The following RTCB variants were observed in gnomAD, a reference collection of about 807,000 sequenced individuals.
The protein encoded by RTCB is RNA 2',3'-cyclic phosphate and 5'-OH ligase.
In RTCB, 32 loss-of-function variants were observed where a neutral mutation model predicts 58.2. The ratio of observed to expected loss-of-function variants is 0.55; its 90% confidence interval spans 0.41 to 0.74. The LOEUF is 0.74. Ranked by LOEUF, RTCB falls within the 30% of genes least tolerant of loss-of-function variation. RTCB has a pLI of 0.00. For missense variants in RTCB, 523 were observed against 639.0 expected, an observed-to-expected ratio of 0.82 and a Z score of 1.96; for synonymous variants, 247 against 218.6, an observed-to-expected ratio of 1.13 and a Z score of -1.15.
At chr22:32,399,546 C>T in intron 6 of RTCB, 57 bp downstream of exon 6, 8 of 1,492,444 alleles carry the variant, frequency 5.4e-6, no homozygotes, top group Non-Finnish European at 6.4e-6. Flanking sequence ...TTTTTTCCCC[C>T]AATAAAAACA....
chr22:32,410,718 TTTTC>T (rs951659202), intron 1 of RTCB, among the ~76,000 whole-genome samples: 9 of 106,344 alleles, frequency 8.5e-5, no homozygotes, highest in African/African-American at 3.8e-4. Flanking sequence ...TTTCTTTTTC[TTTTC>T]TTTTTTTTTT....
intron 4 of RTCB, 103 bp downstream of exon 4, chr22:32,406,559 G>A (rs1933424941): frequency 2.9e-6 from 2 of 692,964 alleles, no homozygotes; most frequent in Non-Finnish European, 5.2e-6. Context: ...TTGACCTCAT[G>A]ATCCACCCGC....
intron 5 of RTCB, among the ~76,000 whole-genome samples, chr22:32,400,665 G>A (rs73881690): frequency 0.035 from 5,267 of 152,224 alleles, 285 homozygotes; most frequent in African/African-American, 0.12. Flanking sequence ...CACAGACCAC[G>A]CATCATCCAA....
chr22:32,395,242 A>T (rs748887319), intron 8 of RTCB, 28 bp from the exon 9 acceptor site: 3 of 1,602,172 alleles, frequency 1.9e-6, no homozygotes, highest in Non-Finnish European at 2.6e-6. Flanking sequence ...AGATAAAAGC[A>T]GCCAGAACTT....
At chr22:32,408,478 T>G (rs150064689) in intron 2 of RTCB, among the ~76,000 whole-genome samples, 1 of 152,178 alleles carries the variant, frequency 6.6e-6, no homozygotes, top group Admixed American at 6.5e-5. Context: ...ATATAGTAAG[T>G]GCAAAACAAA....
At chr22:32,402,821 C>T (rs1397265898) in intron 4 of RTCB, among the ~76,000 whole-genome samples, 1 of 152,122 alleles carries the variant, frequency 6.6e-6, no homozygotes, top group African/African-American at 2.4e-5. Flanking sequence ...TCATAGCTCA[C>T]AGCAGCCTCG....
At chr22:32,402,130 A>AT (rs1361059646) in intron 4 of RTCB, among the ~76,000 whole-genome samples, 1 of 152,246 alleles carries the variant, frequency 6.6e-6, no homozygotes, top group Non-Finnish European at 1.5e-5. Flanking sequence ...AGCAATGAAC[A>AT]TTGAGTAACA....
chr22:32,400,791 A>G (rs891576229), intron 5 of RTCB, among the ~76,000 whole-genome samples: 3 of 152,218 alleles, frequency 2.0e-5, no homozygotes, highest in African/African-American at 7.2e-5. Context: ...CATAAATTTG[A>G]AGGATAAAGC....
At chr22:32,411,045 G>C (rs532546519) in intron 1 of RTCB, among the ~76,000 whole-genome samples, 81 of 152,198 alleles carry the variant, frequency 5.3e-4, no homozygotes, top group African/African-American at 1.8e-3. Context: ...TCAGGGTAAC[G>C]GTTTCCACAC....
At position 32,394,272 on chromosome 22, in the gene RTCB, C is replaced by T. The variant is rs570260638; in HGVS notation, c.1180-270G>A. On this transcript the variant is annotated intron_variant, in intron 9 of 11. Coordinates refer to ENST00000216038, the MANE Select transcript of RTCB (RefSeq NM_014306.5). ...GACCACAGGCGCCTGCTGCCATGCCCAGCTAATTTTTTGTATTTTTAGTAG... is the reference window on the plus strand; with the variant it reads ...GACCACAGGCGCCTGCTGCCATGCCTAGCTAATTTTTTGTATTTTTAGTAG... Among the ~76,000 whole-genome samples the T allele has an allele frequency of 2.0e-5, 3 of 152,160 alleles. No homozygotes were observed. The South Asian group carries it at 6.2e-4, about 32-fold the overall frequency.
intron 4 of RTCB, among the ~76,000 whole-genome samples, chr22:32,406,202 C>A (rs548207982): frequency 3.2e-4 from 48 of 152,278 alleles, no homozygotes; most frequent in African/African-American, 1.1e-3. Context: ...AATAGCCTCT[C>A]AGTATCCACA....
intron 9 of RTCB, among the ~76,000 whole-genome samples, chr22:32,394,705 A>C (rs1178847914): frequency 6.6e-6 from 1 of 152,166 alleles, no homozygotes; most frequent in Non-Finnish European, 1.5e-5. Context: ...CCAAGAGGAC[A>C]GGAGGAATGA....
intron 1 of RTCB, among the ~76,000 whole-genome samples, chr22:32,411,015 TAG>T (rs1933512593): frequency 6.6e-6 from 1 of 152,228 alleles, no homozygotes; most frequent in Non-Finnish European, 1.5e-5. Flanking sequence ...CTCCCTATGT[TAG>T]ATTTTCTATT....
chr22:32,397,856 T>C lies in RTCB; in HGVS notation c.814+85A>G, dbSNP rs1236601309. 7.7e-6 allele frequency: 10 copies of C among 1,290,872 alleles called. No homozygotes were observed. In the Admixed American group the frequency reaches 9.7e-5, roughly 12 times the overall value. 80.0% of individuals were successfully genotyped at this position (1,290,872 alleles called of 1,614,324 possible). A position where few individuals can be genotyped will look rare whatever the true frequency, so the allele number is the denominator to read the frequency against. The stretch of plus-strand genomic sequence containing the variant: ...TGTTGAGGACTCAGGATAAAACCCA[T>C]GCAGTATATTTCAGAGTTTTCGCTC... On this transcript the variant is annotated intron_variant, in intron 7 of 11. Transcript: ENST00000216038.
At chr22:32,409,395 A>C (rs1933481886) in intron 1 of RTCB, among the ~76,000 whole-genome samples, 1 of 152,228 alleles carries the variant, frequency 6.6e-6, no homozygotes, top group Admixed American at 6.5e-5. Context: ...TTGTGTGCTC[A>C]GTTCTGAAAG....
At chr22:32,390,195 TTTA>T (rs1933128782) in intron 11 of RTCB, among the ~76,000 whole-genome samples, 1 of 152,228 alleles carries the variant, frequency 6.6e-6, no homozygotes. Flanking sequence ...CACTGTATGT[TTTA>T]TTATTTGGAA....
intron 1 of RTCB, among the ~76,000 whole-genome samples, chr22:32,411,615 G>C (rs1330950406): frequency 1.3e-5 from 2 of 152,144 alleles, no homozygotes; most frequent in East Asian, 1.9e-4. Context: ...CTGAAAACCT[G>C]GTTTAGTGAA....
intron 2 of RTCB, 99 bp from the exon 3 acceptor site, chr22:32,408,341 T>C: frequency 2.2e-6 from 2 of 925,938 alleles, no homozygotes; most frequent in Admixed American, 2.1e-5. Flanking sequence ...GAGGTAGTCA[T>C]TAGGGCTACT....
At chr22:32,395,559 C>T (rs916294091) in intron 8 of RTCB, among the ~76,000 whole-genome samples, 2 of 152,208 alleles carry the variant, frequency 1.3e-5, no homozygotes, top group Non-Finnish European at 2.9e-5. Flanking sequence ...TGATTCTCTG[C>T]TCTCATTTCT....
Sources: allele counts gnomAD v4.1 joint callset (sites outside exome capture counted in the v4.1 genomes callset), GRCh38; gene constraint gnomAD v4.1.1; transcripts MANE v1.5; gene names NCBI Gene and HGNC (gene_info 2026-07-23, HGNC 2026-07-21).